B3GAT2: variants seen among roughly 807,000 people sequenced by gnomAD.
The protein encoded by B3GAT2 is beta-1,3-glucuronyltransferase 2.
In B3GAT2, 26 loss-of-function variants were observed where a neutral mutation model predicts 27.8. That is an observed-to-expected ratio of 0.93 (90% CI 0.68 to 1.30). The LOEUF is 1.30. B3GAT2 is among the 50% of genes most tolerant of loss of function. B3GAT2 has a pLI of 0.00. For synonymous variants in B3GAT2, 218 were observed against 195.1 expected, an observed-to-expected ratio of 1.12 and a Z score of -0.98; for missense variants, 458 against 459.0, an observed-to-expected ratio of 1.00 and a Z score of 0.02.
At chr6:70,933,545 T>A (rs1773093095) in intron 1 of B3GAT2, among the ~76,000 whole-genome samples, 1 of 152,222 alleles carries the variant, frequency 6.6e-6, no homozygotes, top group Non-Finnish European at 1.5e-5. Context: ...TCTCTAGCAC[T>A]CTTGCCAGTG....
intron 2 of B3GAT2, among the ~76,000 whole-genome samples, chr6:70,880,157 G>A (rs1006776518): frequency 2.6e-5 from 4 of 152,168 alleles, no homozygotes; most frequent in South Asian, 2.1e-4. Flanking sequence ...AAACCGGACC[G>A]ACTGTGAAGC....
chr6:70,860,774 GTC>G lies in B3GAT2; in HGVS notation c.*887_*888del, dbSNP rs1294836362. ...TTAATCATATAAATAGAATGTAAATGTCTCACTGAGCACTGTTTTCTAGTGTA... is the reference window on the plus strand; with the variant it reads ...TTAATCATATAAATAGAATGTAAATGTCACTGAGCACTGTTTTCTAGTGTA... On this transcript the variant is annotated 3_prime_UTR_variant, in exon 4 of 4. Transcript: ENST00000230053. 2.5e-6 allele frequency: 1 copy of G among 399,174 alleles called. No homozygotes were observed. The highest frequency in any genetic ancestry group is 2.1e-5 in the African/African-American group (1 of 48,594). The allele number at this position is 399,174 out of a possible 1,614,324, so 24.7% of individuals were successfully genotyped here.
chr6:70,938,984 A>G (rs9455263), intron 1 of B3GAT2, among the ~76,000 whole-genome samples: 1 of 151,872 alleles, frequency 6.6e-6, no homozygotes, highest in African/African-American at 2.4e-5. Flanking sequence ...GGGAGAAAAT[A>G]TTCGCAACCT....
At chr6:70,936,541 A>G (rs1203561360) in intron 1 of B3GAT2, among the ~76,000 whole-genome samples, 1 of 152,176 alleles carries the variant, frequency 6.6e-6, no homozygotes, top group East Asian at 1.9e-4. Context: ...AACAGAAATT[A>G]TAACAAACTG....
At chr6:70,864,895 C>T (rs560533818) in intron 2 of B3GAT2, among the ~76,000 whole-genome samples, 126 of 151,584 alleles carry the variant, frequency 8.3e-4, no homozygotes, top group African/African-American at 3.0e-3. Context: ...GAGATGCTTA[C>T]GAAAGTCATG....
At chr6:70,888,873 C>A (rs1772235791) in intron 2 of B3GAT2, among the ~76,000 whole-genome samples, 1 of 152,234 alleles carries the variant, frequency 6.6e-6, no homozygotes, top group African/African-American at 2.4e-5. Flanking sequence ...CACCTCTTCC[C>A]AAGACCTTTC....
chr6:70,901,182 C>T, intron 1 of B3GAT2, among the ~76,000 whole-genome samples: 1 of 152,186 alleles, frequency 6.6e-6, no homozygotes, highest in East Asian at 1.9e-4. Context: ...ATAAAGTCTG[C>T]TTTTCTTCCT....
At position 70,955,898 on chromosome 6, in the gene B3GAT2, G is replaced by T. The variant is rs778874580; in HGVS notation, c.532C>A (p.Pro178Thr). Residue 178 changes from proline to threonine, a missense_variant, in exon 1 of 4, where the codon CCC becomes ACC. Physicochemically the swap from Pro to Thr is conservative, Grantham distance 38 (BLOSUM62 -1). Coordinates refer to ENST00000230053, the MANE Select transcript of B3GAT2 (RefSeq NM_080742.3). ...TCGTCAGCGAAGAAGAGCACGCCGG[G>T]CTGCGCGCGCTGGTGCTGGTGCCTC... The part of the protein sequence containing the change: ...RQRHQHQRAQ[P>T]GVLFFADDDN... 43 of 1,603,804 alleles carry T rather than the reference G, an allele frequency of 2.7e-5. No individual in the cohort carries two copies. Among genetic ancestry groups the T allele is most frequent in the Admixed American group, 5.0e-5 (3 of 59,450 alleles).
chr6:70,874,903 G>C (rs1771989272), intron 2 of B3GAT2, among the ~76,000 whole-genome samples: 1 of 151,904 alleles, frequency 6.6e-6, no homozygotes, highest in African/African-American at 2.4e-5. Context: ...TTACAGGGCT[G>C]TTGGTTTTCA....
At chr6:70,930,885 G>A (rs963535345) in intron 1 of B3GAT2, among the ~76,000 whole-genome samples, 5 of 152,122 alleles carry the variant, frequency 3.3e-5, no homozygotes, top group African/African-American at 1.2e-4. Context: ...ACATGCACAC[G>A]TATGTTTATT....
intron 1 of B3GAT2, among the ~76,000 whole-genome samples, chr6:70,896,601 G>T (rs1461642315): frequency 6.6e-6 from 1 of 152,088 alleles, no homozygotes; most frequent in East Asian, 1.9e-4. Flanking sequence ...CTATACATTA[G>T]TTTGCATCCT....
At chr6:70,929,571 T>A (rs1016102365) in intron 1 of B3GAT2, among the ~76,000 whole-genome samples, 3 of 152,060 alleles carry the variant, frequency 2.0e-5, no homozygotes, top group Non-Finnish European at 2.9e-5. Flanking sequence ...GAGAGACAAA[T>A]CATGAGTGAA....
intron 2 of B3GAT2, among the ~76,000 whole-genome samples, chr6:70,878,915 C>A (rs2150026010): frequency 6.6e-6 from 1 of 152,202 alleles, no homozygotes; most frequent in Non-Finnish European, 1.5e-5. Context: ...TAGTGGGCAC[C>A]TATTCTCCCA....
At chr6:70,923,103 T>C (rs746416439) in intron 1 of B3GAT2, among the ~76,000 whole-genome samples, 2 of 152,366 alleles carry the variant, frequency 1.3e-5, no homozygotes, top group Non-Finnish European at 2.9e-5. Context: ...TCTGTCATCA[T>C]TGTCATCAGC....
chr6:70,897,649 G>C (rs1289247837), intron 1 of B3GAT2, among the ~76,000 whole-genome samples: 1 of 100,508 alleles, frequency 9.9e-6, no homozygotes, highest in African/African-American at 4.7e-5. Context: ...TGAGGCATGA[G>C]AACTGCTTGA....
At position 70,860,824 on chromosome 6, in the gene B3GAT2, T is replaced by C. The variant is rs1771688841; in HGVS notation, c.*839A>G. ...GTATCAAAATGCTCTTATTTCATCA[T>C]TCACTTCACTGTGCTGTTGTTATGA... On this transcript the variant is annotated 3_prime_UTR_variant, in exon 4 of 4. Coordinates refer to ENST00000230053, the MANE Select transcript of B3GAT2 (RefSeq NM_080742.3). 2 of 396,886 alleles carry C rather than the reference T, an allele frequency of 5.0e-6. No individual in the cohort carries two copies. Among genetic ancestry groups the C allele is most frequent in the Non-Finnish European group, 8.9e-6 (2 of 224,800 alleles). 24.6% of individuals were successfully genotyped at this position (396,886 alleles called of 1,614,324 possible). A position where few individuals can be genotyped will look rare whatever the true frequency, so the allele number is the denominator to read the frequency against.
chr6:70,950,660 C>G (rs150660554), intron 1 of B3GAT2, among the ~76,000 whole-genome samples: 17 of 152,288 alleles, frequency 1.1e-4, no homozygotes, highest in African/African-American at 3.6e-4. Flanking sequence ...AGGTAAACAA[C>G]TATATTACCG....
intron 1 of B3GAT2, among the ~76,000 whole-genome samples, chr6:70,944,849 C>A (rs367850997): frequency 6.6e-6 from 1 of 152,112 alleles, no homozygotes; most frequent in African/African-American, 2.4e-5. Flanking sequence ...ACACCTCACA[C>A]GGCCAGGTAC....
intron 2 of B3GAT2, among the ~76,000 whole-genome samples, chr6:70,878,330 A>T (rs1426986099): frequency 6.6e-6 from 1 of 152,188 alleles, no homozygotes; most frequent in Non-Finnish European, 1.5e-5. Context: ...TTTTGGACTC[A>T]TTGATAACTC....
Sources: allele counts gnomAD v4.1 joint callset (sites outside exome capture counted in the v4.1 genomes callset), GRCh38; gene constraint gnomAD v4.1.1; transcripts MANE v1.5; gene names NCBI Gene and HGNC (gene_info 2026-07-23, HGNC 2026-07-21).